The following PAX7 variants were observed in gnomAD, a reference collection of about 807,000 sequenced individuals.
The protein encoded by PAX7 is paired box 7, also known as paired box protein Pax-7.
Under a neutral mutation model 50.7 loss-of-function variants are expected in PAX7, and 18 were observed. The observed-to-expected ratio is 0.36, with a 90% CI of 0.25 to 0.53. PAX7 has a LOEUF of 0.53. PAX7 is among the 20% of genes least tolerant of loss of function. The pLI is 0.93. For synonymous variants in PAX7, 310 were observed against 290.4 expected, an observed-to-expected ratio of 1.07 and a Z score of -0.69; for missense variants, 644 against 702.9, an observed-to-expected ratio of 0.92 and a Z score of 0.95.
intron 7 of PAX7, among the ~76,000 whole-genome samples, chr1:18,717,283 C>T (rs1057176763): frequency 5.3e-5 from 8 of 152,172 alleles, no homozygotes; most frequent in African/African-American, 1.7e-4. Flanking sequence ...GTCTTGGTCG[C>T]GGGGCCTCGG....
chr1:18,720,599 C>T lies in PAX7; in HGVS notation c.1156-15033C>T, dbSNP rs190797733. Among the ~76,000 whole-genome samples the T allele has an allele frequency of 1.4e-3, 208 of 151,358 alleles. 1 individual carries two copies. The highest frequency in any genetic ancestry group is 4.7e-3 in the African/African-American group (192 of 41,162). ...GAGAAGGGAGGTGTGTGTGGATGGA[C>T]CCATGGAGAGAGGGGAGGTGGGCGC... On this transcript the variant is annotated intron_variant, in intron 7 of 8. Coordinates refer to ENST00000420770, the MANE Select transcript of PAX7 (RefSeq NM_001135254.2).
At position 18,747,581 on chromosome 1, in the gene PAX7, A is replaced by G. The variant is rs1032743724; in HGVS notation, c.*2652A>G. The G allele has an allele frequency of 4.7e-6, 1 of 211,588 alleles. No individual in the cohort carries two copies. The highest frequency in any genetic ancestry group is 2.3e-5 in the African/African-American group (1 of 44,102). 13.1% of individuals were successfully genotyped at this position (211,588 alleles called of 1,614,324 possible). ...GGCCTCCATCTCTTTGGGGCTGACCACAGCCTGAGAAAGAAGGTCTGGGTT... is the reference window on the plus strand; with the variant it reads ...GGCCTCCATCTCTTTGGGGCTGACCGCAGCCTGAGAAAGAAGGTCTGGGTT... On this transcript the variant is annotated 3_prime_UTR_variant, in exon 9 of 9. Coordinates refer to ENST00000420770, the MANE Select transcript of PAX7 (RefSeq NM_001135254.2).
intron 4 of PAX7, among the ~76,000 whole-genome samples, chr1:18,681,529 T>C (rs1426727017): frequency 1.3e-5 from 2 of 152,106 alleles, no homozygotes; most frequent in African/African-American, 4.8e-5. Context: ...TACTTCCTTC[T>C]TCCTAGAAAG....
chr1:18,731,211 A>G (rs2089642850), intron 7 of PAX7, among the ~76,000 whole-genome samples: 1 of 152,186 alleles, frequency 6.6e-6, no homozygotes, highest in Non-Finnish European at 1.5e-5. Context: ...CAGGCTCCGG[A>G]CCTCAGCTGG....
intron 4 of PAX7, among the ~76,000 whole-genome samples, chr1:18,637,507 C>T (rs1215026058): frequency 6.6e-6 from 1 of 152,220 alleles, no homozygotes; most frequent in Non-Finnish European, 1.5e-5. Flanking sequence ...GCCCTGGAAC[C>T]TGAAAGCTTG....
At chr1:18,693,414 G>A (rs2089104311) in intron 5 of PAX7, among the ~76,000 whole-genome samples, 1 of 152,174 alleles carries the variant, frequency 6.6e-6, no homozygotes, top group South Asian at 2.1e-4. Flanking sequence ...ACATGCCCAG[G>A]GGCACAAGCT....
At chr1:18,725,632 G>A (rs1042427647) in intron 7 of PAX7, among the ~76,000 whole-genome samples, 1 of 152,228 alleles carries the variant, frequency 6.6e-6, no homozygotes, top group South Asian at 2.1e-4. Flanking sequence ...GCGTGAAAGT[G>A]TGCTAATTAA....
Position 18,726,013 on chromosome 1 carries a change from CGTGTGTGTGCGTGTGTTT to C in PAX7, c.1156-9609_1156-9592del, listed in dbSNP as rs2089565443. Among the ~76,000 whole-genome samples the C allele has an allele frequency of 6.8e-6, 1 of 147,648 alleles. No individual in the cohort carries two copies. The highest frequency in any genetic ancestry group is 6.7e-5 in the Admixed American group (1 of 14,940). On this transcript the variant is annotated intron_variant, in intron 7 of 8. Transcript: ENST00000420770. This position sits in a 1 kb window ranked among gnomAD's most constrained non-coding sequence, Gnocchi z 4.8. ...GTGTGTGCGCGCGCGCGCGTGCGCG[CGTGTGTGTGCGTGTGTTT>C]GTGTGTGTGTGTGTCTTTGACTTCT... is the stretch of plus-strand genomic sequence containing the variant.
chr1:18,702,322 G>C (rs1343543049), intron 6 of PAX7, among the ~76,000 whole-genome samples: 1 of 152,070 alleles, frequency 6.6e-6, no homozygotes, highest in Non-Finnish European at 1.5e-5. Flanking sequence ...CTGGGCGACA[G>C]AGTGAGACTC....
chr1:18,714,587 G>GGA (rs2089395138), intron 7 of PAX7, among the ~76,000 whole-genome samples: 1 of 152,204 alleles, frequency 6.6e-6, no homozygotes, highest in South Asian at 2.1e-4. Context: ...AAACCACCAT[G>GGA]TGATCTTGAT....
intron 4 of PAX7, among the ~76,000 whole-genome samples, chr1:18,677,029 G>C (rs114296668): frequency 0.035 from 5,285 of 152,328 alleles, 139 homozygotes; most frequent in South Asian, 0.082. Context: ...GGGCTCCTGG[G>C]GGATGCCCCT....
intron 3 of PAX7, among the ~76,000 whole-genome samples, chr1:18,635,754 T>G (rs905460262): frequency 6.6e-6 from 1 of 152,134 alleles, no homozygotes; most frequent in African/African-American, 2.4e-5. Context: ...ATTTGAGTCC[T>G]AAATTTGGAG....
At chr1:18,738,887 A>G (rs1318658837) in intron 8 of PAX7, among the ~76,000 whole-genome samples, 1 of 152,120 alleles carries the variant, frequency 6.6e-6, no homozygotes, top group African/African-American at 2.4e-5. Flanking sequence ...AAGTGTTTCC[A>G]TTGCACCACC....
chr1:18,698,364 C>T (rs1297276367), intron 5 of PAX7, among the ~76,000 whole-genome samples: 2 of 152,098 alleles, frequency 1.3e-5, no homozygotes, highest in Admixed American at 6.5e-5. Flanking sequence ...CACCTGCAAA[C>T]GCCTCCTCTC....
chr1:18,718,748 T>A (rs1025715091), intron 7 of PAX7, among the ~76,000 whole-genome samples: 6 of 151,964 alleles, frequency 3.9e-5, no homozygotes, highest in African/African-American at 1.5e-4. Context: ...GTTCAAGTAA[T>A]TCTCCTGCCT....
chr1:18,745,003 C>G lies in PAX7; in HGVS notation c.*74C>G. ...TGACCCCTGAGCTTCCCAGCCTTGC[C>G]GCCTCACCCCCCTGTTGTCCTAGGA... is the stretch of plus-strand genomic sequence containing the variant. On this transcript the variant is annotated 3_prime_UTR_variant, in exon 9 of 9. Coordinates refer to ENST00000420770, the MANE Select transcript of PAX7 (RefSeq NM_001135254.2). 1 of 843,564 alleles carries G rather than the reference C, an allele frequency of 1.2e-6. No individual in the cohort carries two copies. Among genetic ancestry groups the G allele is most frequent in the South Asian group, 1.5e-5 (1 of 65,292 alleles). The allele number at this position is 843,564 out of a possible 1,614,324, so 52.3% of individuals were successfully genotyped here.
chr1:18,716,808 ACACCT>A (rs2100357920), intron 7 of PAX7, among the ~76,000 whole-genome samples: 1 of 148,798 alleles, frequency 6.7e-6, no homozygotes, highest in South Asian at 2.2e-4. Context: ...CACCCAACAA[ACACCT>A]CTTCCCCCTC....
At chr1:18,654,338 T>G (rs1341830005) in intron 4 of PAX7, among the ~76,000 whole-genome samples, 1 of 152,020 alleles carries the variant, frequency 6.6e-6, no homozygotes, top group African/African-American at 2.4e-5. Context: ...AGGGGAGGGG[T>G]GTCCCCTCTC....
intron 4 of PAX7, among the ~76,000 whole-genome samples, chr1:18,660,481 A>C (rs2088584212): frequency 2.0e-5 from 3 of 152,134 alleles, no homozygotes; most frequent in African/African-American, 7.2e-5. Flanking sequence ...GAGGCCTGGG[A>C]GGTGGAGGGA....
Sources: gnomAD v4.1 joint callset for allele counts (sites outside exome capture counted in the v4.1 genomes callset) on GRCh38, gnomAD v4.1.1 for gene constraint, Gnocchi (gnomAD v3.1) non-coding constraint, MANE v1.5 for transcripts, NCBI Gene and HGNC (gene_info 2026-07-23, HGNC 2026-07-21) for gene names.